RGS6: variants seen among roughly 807,000 people sequenced by gnomAD.
RGS6 encodes regulator of G protein signaling 6.
In RGS6, 30 loss-of-function variants were observed where a neutral mutation model predicts 78.5. That is an observed-to-expected ratio of 0.38 (90% CI 0.29 to 0.52). The LOEUF is 0.52. Among genes scored for constraint, RGS6 ranks in the 20% least tolerant of loss-of-function variants. RGS6 has a pLI of 0.85. For synonymous variants in RGS6, 206 were observed against 206.0 expected (o/e 1.00, Z 0.00); for missense variants, 495 against 609.7 (o/e 0.81, Z 1.98).
the RGS6 span, among the ~76,000 whole-genome samples, chr14:71,902,680 T>C: frequency 1.3e-5 from 2 of 152,180 alleles, no homozygotes; most frequent in Non-Finnish European, 2.9e-5. Flanking sequence ...GAAAGAAGAA[T>C]AGAAGTTGCT....
intron 2 of RGS6, among the ~76,000 whole-genome samples, chr14:72,063,806 T>A (rs1036863073): frequency 6.6e-6 from 1 of 151,976 alleles, no homozygotes; most frequent in Non-Finnish European, 1.5e-5. Context: ...GGGAAGATAC[T>A]GTTATTATCT....
At chr14:72,174,587 C>A (rs2097078742) in intron 2 of RGS6, among the ~76,000 whole-genome samples, 1 of 152,216 alleles carries the variant, frequency 6.6e-6, no homozygotes, top group Non-Finnish European at 1.5e-5. Flanking sequence ...AGAAAGACCA[C>A]TTGCCATCCC....
At chr14:72,113,109 C>T (rs1005749209) in intron 2 of RGS6, among the ~76,000 whole-genome samples, 1 of 151,896 alleles carries the variant, frequency 6.6e-6, no homozygotes. Context: ...CACATGCACA[C>T]ACACACCCCA....
At chr14:72,626,173 T>G in the RGS6 span, among the ~76,000 whole-genome samples, 3 of 152,170 alleles carry the variant, frequency 2.0e-5, no homozygotes, top group Non-Finnish European at 4.4e-5. Context: ...ATTTATCTAT[T>G]TGGGAGGTAT....
chr14:72,624,333 C>CTTTTTTTTTTTTTTTTTTTTTTTT, the RGS6 span, among the ~76,000 whole-genome samples: 5 of 97,796 alleles, frequency 5.1e-5, 1 homozygote, highest in African/African-American at 7.7e-5. Flanking sequence ...ACCTATGTCT[C>CTTTTTTTTTTTTTTTTTTTTTTTT]TTTTTTTTTT....
intron 2 of RGS6, among the ~76,000 whole-genome samples, chr14:72,327,174 T>C (rs896922931): frequency 1.3e-5 from 2 of 152,196 alleles, no homozygotes; most frequent in Non-Finnish European, 2.9e-5. Flanking sequence ...GTATATGTAT[T>C]ACCTATTCAA....
At chr14:72,207,731 C>T (rs1047056976) in intron 2 of RGS6, among the ~76,000 whole-genome samples, 1 of 152,218 alleles carries the variant, frequency 6.6e-6, no homozygotes, top group Non-Finnish European at 1.5e-5. Flanking sequence ...CTCAGAGCAT[C>T]TTCCACTTCT....
intron 12 of RGS6, among the ~76,000 whole-genome samples, chr14:72,487,818 G>A (rs1355694062): frequency 6.6e-6 from 1 of 152,140 alleles, no homozygotes; most frequent in Non-Finnish European, 1.5e-5. Flanking sequence ...GTTTTCAGCT[G>A]CTAAATATGA....
the RGS6 span, among the ~76,000 whole-genome samples, chr14:72,619,683 C>T: frequency 6.6e-6 from 1 of 152,200 alleles, no homozygotes; most frequent in Admixed American, 6.5e-5. Flanking sequence ...ACTTCCTTGG[C>T]CCTCAAGTTG....
intron 2 of RGS6, among the ~76,000 whole-genome samples, chr14:71,993,167 A>G (rs888078740): frequency 2.7e-4 from 41 of 152,238 alleles, no homozygotes; most frequent in African/African-American, 6.8e-4. Flanking sequence ...AAGGTAAGGG[A>G]GGACTTACTC....
At chr14:72,324,484 C>A (rs913871825) in intron 2 of RGS6, among the ~76,000 whole-genome samples, 4 of 152,042 alleles carry the variant, frequency 2.6e-5, no homozygotes, top group African/African-American at 9.7e-5. Flanking sequence ...TTAGGTATAT[C>A]TCCTAATGCT....
chr14:71,877,428 A>G, the RGS6 span, among the ~76,000 whole-genome samples: 2 of 152,144 alleles, frequency 1.3e-5, no homozygotes, highest in East Asian at 1.9e-4. Flanking sequence ...CATTCATTTG[A>G]TCTTCAATCA....
intron 2 of RGS6, among the ~76,000 whole-genome samples, chr14:72,087,230 A>T (rs1337797204): frequency 6.6e-6 from 1 of 152,134 alleles, no homozygotes; most frequent in Non-Finnish European, 1.5e-5. Context: ...TCCTGGGTTC[A>T]AGTGATTCTC....
At chr14:72,377,030 G>T (rs760059470) in intron 3 of RGS6, among the ~76,000 whole-genome samples, 1 of 152,038 alleles carries the variant, frequency 6.6e-6, no homozygotes, top group African/African-American at 2.4e-5. Context: ...AAAAGAAATC[G>T]ATAGGATGAT....
intron 15 of RGS6, among the ~76,000 whole-genome samples, chr14:72,535,729 C>A (rs997797190): frequency 6.6e-6 from 1 of 152,220 alleles, no homozygotes; most frequent in Non-Finnish European, 1.5e-5. Flanking sequence ...ACCCCAGGAA[C>A]CACTAATCTG....
At chr14:71,900,961 T>A in the RGS6 span, among the ~76,000 whole-genome samples, 3 of 152,096 alleles carry the variant, frequency 2.0e-5, no homozygotes, top group African/African-American at 7.2e-5. Context: ...AACCAGATCA[T>A]GTGTGAACTA....
chr14:72,216,877 A>T (rs2045704290), intron 2 of RGS6, among the ~76,000 whole-genome samples: 1 of 152,152 alleles, frequency 6.6e-6, no homozygotes, highest in African/African-American at 2.4e-5. Context: ...TACATAGATG[A>T]GAATATATTT....
At chr14:72,141,268 A>G (rs974646339) in intron 2 of RGS6, among the ~76,000 whole-genome samples, 23 of 152,080 alleles carry the variant, frequency 1.5e-4, no homozygotes, top group Admixed American at 1.3e-3. Flanking sequence ...TAGTGCCCCA[A>G]TCCCCATTTT....
intron 2 of RGS6, among the ~76,000 whole-genome samples, chr14:72,178,262 C>A (rs1360877821): frequency 1.3e-5 from 2 of 152,254 alleles, no homozygotes; most frequent in African/African-American, 4.8e-5. Flanking sequence ...GCTGTGGCCA[C>A]CCAGCCCCTG....
Sources: gnomAD v4.1 joint callset for allele counts (sites outside exome capture counted in the v4.1 genomes callset) on GRCh38, gnomAD v4.1.1 for gene constraint, MANE v1.5 for transcripts, NCBI Gene and HGNC (gene_info 2026-07-23, HGNC 2026-07-21) for gene names.